LRMDA: variants seen among roughly 807,000 people sequenced by gnomAD.
LRMDA encodes the protein leucine-rich melanocyte differentiation-associated protein.
A neutral mutation model predicts 29.8 loss-of-function variants in LRMDA; 18 were observed. The observed-to-expected ratio is 0.60, with a 90% confidence interval of 0.42 to 0.90. The LOEUF is 0.90. Among genes scored for constraint, LRMDA ranks in the 40% least tolerant of loss-of-function variants. The pLI, the probability that LRMDA is intolerant of heterozygous loss-of-function variation, is 0.00. For synonymous variants in LRMDA, 125 were observed against 109.4 expected (o/e 1.14, Z -0.89); for missense variants, 273 against 273.9 (o/e 1.00, Z 0.02).
At chr10:76,415,209 T>C (rs10824415) in intron 6 of LRMDA, among the ~76,000 whole-genome samples, 82,098 of 152,088 alleles carry the variant, frequency 0.54, 22,534 homozygotes, top group Middle Eastern at 0.66. Context: ...AGATTTCTGC[T>C]CCTTTTTGGA....
chr10:76,154,094 A>G (rs1046702565), intron 5 of LRMDA, among the ~76,000 whole-genome samples: 1 of 152,058 alleles, frequency 6.6e-6, no homozygotes, highest in Non-Finnish European at 1.5e-5. Context: ...GTCGTACTTG[A>G]CCCTTTTTAC....
chr10:76,279,164 C>A (rs1840171501), intron 5 of LRMDA, among the ~76,000 whole-genome samples: 1 of 152,176 alleles, frequency 6.6e-6, no homozygotes, highest in African/African-American at 2.4e-5. Context: ...AATACAGTAA[C>A]ACTAAATTGC....
chr10:76,387,549 GGTATGATCAT>G (rs937664833), intron 6 of LRMDA, among the ~76,000 whole-genome samples: 23 of 151,752 alleles, frequency 1.5e-4, no homozygotes, highest in Non-Finnish European at 2.4e-4. Flanking sequence ...GCTGCAGCGA[GGTATGATCAT>G]GCCGCTGCAC....
At chr10:75,491,882 A>T (rs1204209403) in intron 2 of LRMDA, among the ~76,000 whole-genome samples, 1 of 152,230 alleles carries the variant, frequency 6.6e-6, no homozygotes, top group Non-Finnish European at 1.5e-5. Flanking sequence ...TGTAAGAGGC[A>T]AAACAATTGA....
At chr10:75,442,505 A>C (rs911679841) in intron 2 of LRMDA, among the ~76,000 whole-genome samples, 4 of 152,202 alleles carry the variant, frequency 2.6e-5, no homozygotes, top group Non-Finnish European at 5.9e-5. Flanking sequence ...CATTTATTGA[A>C]GAGACTGTTC....
At chr10:75,457,023 G>C (rs1449470751) in intron 2 of LRMDA, among the ~76,000 whole-genome samples, 2 of 152,230 alleles carry the variant, frequency 1.3e-5, no homozygotes, top group Non-Finnish European at 2.9e-5. Flanking sequence ...TTCTAGAAGA[G>C]GTAATGGTAC....
chr10:75,626,552 T>G (rs1841252507), intron 2 of LRMDA, among the ~76,000 whole-genome samples: 1 of 152,136 alleles, frequency 6.6e-6, no homozygotes, highest in Non-Finnish European at 1.5e-5. Flanking sequence ...AAGGTCCTCT[T>G]GGAGAGTGTT....
At chr10:76,490,380 T>C (rs1226165133) in intron 6 of LRMDA, among the ~76,000 whole-genome samples, 1 of 151,996 alleles carries the variant, frequency 6.6e-6, no homozygotes, top group East Asian at 1.9e-4. Flanking sequence ...GGTGCTAAAG[T>C]CTCCAGCTAT....
intron 5 of LRMDA, among the ~76,000 whole-genome samples, chr10:76,139,833 C>G (rs1850166572): frequency 6.6e-6 from 1 of 152,026 alleles, no homozygotes; most frequent in Admixed American, 6.6e-5. Context: ...GATTAAAAAG[C>G]AGGTTAGCAG....
chr10:76,385,394 C>T (rs1328619754), intron 6 of LRMDA, among the ~76,000 whole-genome samples: 1 of 152,178 alleles, frequency 6.6e-6, no homozygotes, highest in Non-Finnish European at 1.5e-5. Flanking sequence ...TACAGAATGC[C>T]TCATCACAGG....
rs368712869 is a variant in LRMDA at position 75,724,025 on chromosome 10, A to G, written c.131+285531A>G. Among the ~76,000 whole-genome samples, 14 of 152,204 alleles carry G rather than the reference A, an allele frequency of 9.2e-5. No homozygotes were observed. The East Asian group carries it at 1.7e-3, about 19-fold the overall frequency. On this transcript the variant is annotated intron_variant, in intron 2 of 6. Transcript: ENST00000611255. ...ATTTGCTATGAAATTTATTGTTGAT[A>G]AAAACAATCAGATTTCCATTAGATG...
intron 2 of LRMDA, among the ~76,000 whole-genome samples, chr10:75,958,989 A>C (rs116317689): frequency 6.6e-6 from 1 of 152,164 alleles, no homozygotes; most frequent in African/African-American, 2.4e-5. Context: ...AGCTGCCCTC[A>C]TGATTTAATT....
At chr10:75,707,310 T>C (rs1842381378) in intron 2 of LRMDA, among the ~76,000 whole-genome samples, 1 of 152,190 alleles carries the variant, frequency 6.6e-6, no homozygotes, top group Non-Finnish European at 1.5e-5. Context: ...CCACTGTAAG[T>C]GTGGGGCCCA....
intron 2 of LRMDA, among the ~76,000 whole-genome samples, chr10:75,729,230 G>A (rs1202275075): frequency 6.6e-6 from 1 of 152,246 alleles, no homozygotes; most frequent in Non-Finnish European, 1.5e-5. Flanking sequence ...GCTAATGAAT[G>A]AGTGAAGGTG....
intron 5 of LRMDA, among the ~76,000 whole-genome samples, chr10:76,119,054 T>G (rs1849719003): frequency 6.6e-6 from 1 of 152,138 alleles, no homozygotes. Context: ...TGCTCCTTAT[T>G]TTATCTTAAT....
intron 6 of LRMDA, among the ~76,000 whole-genome samples, chr10:76,331,630 C>T (rs1400318932): frequency 1.3e-5 from 2 of 152,146 alleles, no homozygotes; most frequent in African/African-American, 2.4e-5. Flanking sequence ...AAGAGTATGG[C>T]CTTGGCTTGT....
intron 5 of LRMDA, among the ~76,000 whole-genome samples, chr10:76,288,955 T>A (rs1371630782): frequency 6.6e-6 from 1 of 152,132 alleles, no homozygotes; most frequent in Non-Finnish European, 1.5e-5. Flanking sequence ...TCCAATAAAG[T>A]AGTAGTTATG....
At chr10:75,709,561 G>A (rs1436450826) in intron 2 of LRMDA, among the ~76,000 whole-genome samples, 1 of 152,090 alleles carries the variant, frequency 6.6e-6, no homozygotes, top group Non-Finnish European at 1.5e-5. Context: ...GCCATTGGCA[G>A]GTGAGATCAT....
chr10:76,019,688 T>G (rs553298513), intron 2 of LRMDA, among the ~76,000 whole-genome samples: 30 of 152,270 alleles, frequency 2.0e-4, no homozygotes, highest in Non-Finnish European at 4.0e-4. Flanking sequence ...GTGTTGTTGT[T>G]TTTTGTTTTC....
Sources: allele counts gnomAD v4.1 joint callset (sites outside exome capture counted in the v4.1 genomes callset), GRCh38; gene constraint gnomAD v4.1.1; transcripts MANE v1.5; gene names NCBI Gene and HGNC (gene_info 2026-07-23, HGNC 2026-07-21).